The following RGS6 variants were observed in gnomAD, a reference collection of about 807,000 sequenced individuals.
RGS6 encodes regulator of G-protein signaling 6.
Under a neutral mutation model 78.5 loss-of-function variants are expected in RGS6, and 30 were observed. The ratio of observed to expected loss-of-function variants is 0.38; its 90% confidence interval spans 0.29 to 0.52. The LOEUF (loss-of-function observed/expected upper bound fraction) is 0.52. Among genes scored for constraint, RGS6 ranks in the 20% least tolerant of loss-of-function variants. The pLI is 0.85. For synonymous variants in RGS6, 206 were observed against 206.0 expected, an observed-to-expected ratio of 1.00 and a Z score of 0.00; for missense variants, 495 against 609.7, an observed-to-expected ratio of 0.81 and a Z score of 1.98.
At chr14:72,231,738 T>G (rs1423176659) in intron 2 of RGS6, among the ~76,000 whole-genome samples, 5 of 152,022 alleles carry the variant, frequency 3.3e-5, no homozygotes, top group Non-Finnish European at 7.4e-5. Context: ...AGGGAGAGCG[T>G]GGGCTATGAA....
At chr14:72,541,387 G>A (rs2097324668) in intron 17 of RGS6, 3 of 1,445,344 alleles carry the variant, frequency 2.1e-6, no homozygotes, top group Non-Finnish European at 1.9e-6. Context: ...AACTCTAGTG[G>A]GTGGCAATTA....
intron 2 of RGS6, among the ~76,000 whole-genome samples, chr14:72,250,248 A>C (rs1356216886): frequency 2.0e-5 from 3 of 152,132 alleles, no homozygotes; most frequent in Non-Finnish European, 2.9e-5. Flanking sequence ...AATAAAAAAA[A>C]AAAGTAACTG....
intron 2 of RGS6, among the ~76,000 whole-genome samples, chr14:72,340,285 A>G (rs994867350): frequency 3.9e-5 from 6 of 152,158 alleles, no homozygotes; most frequent in African/African-American, 1.4e-4. Flanking sequence ...AACATGAACA[A>G]TGACATAGTG....
At chr14:71,956,721 A>G (rs1396330150) in intron 1 of RGS6, among the ~76,000 whole-genome samples, 2 of 152,124 alleles carry the variant, frequency 1.3e-5, no homozygotes, top group African/African-American at 4.8e-5. Context: ...TCCTTTGGCA[A>G]CACCCTCACA....
rs542819049 is a variant in RGS6, at chr14:72,273,021, C to T, written c.85-79074C>T. On this transcript the variant is annotated intron_variant, in intron 2 of 17. Coordinates refer to ENST00000553525, the MANE Select transcript of RGS6 (RefSeq NM_001204424.2). ...ATCCCAGCTACTTGGGAAGCTGAGG[C>T]GGGAGAATCTCTTGAACCTGGGAAG... is the stretch of plus-strand genomic sequence containing the variant. 4.2e-4 allele frequency among the ~76,000 whole-genome samples: 64 copies of T among 151,690 alleles called. 1 individual carries two copies. The highest frequency in any genetic ancestry group is 6.8e-3 in the Middle Eastern group (2 of 294).
chr14:72,142,508 C>G (rs532299986), intron 2 of RGS6, among the ~76,000 whole-genome samples: 1 of 152,178 alleles, frequency 6.6e-6, no homozygotes, highest in African/African-American at 2.4e-5. Context: ...GCCCTGAGAT[C>G]ATTTGCATCT....
intron 4 of RGS6, among the ~76,000 whole-genome samples, chr14:72,457,084 T>TAAAAAAAAAA (rs747066432): frequency 3.7e-5 from 3 of 82,140 alleles, no homozygotes; most frequent in Non-Finnish European, 6.8e-5. Context: ...GACCTGTCTC[T>TAAAAAAAAAA]AAAAAAAAAA....
intron 2 of RGS6, among the ~76,000 whole-genome samples, chr14:72,194,275 C>T (rs2039465102): frequency 6.6e-6 from 1 of 152,234 alleles, no homozygotes; most frequent in Admixed American, 6.5e-5. Context: ...TGTTGAATAC[C>T]TATCATGAAC....
intron 17 of RGS6, among the ~76,000 whole-genome samples, chr14:72,544,278 C>T (rs1303465746): frequency 2.0e-5 from 3 of 152,226 alleles, no homozygotes; most frequent in Non-Finnish European, 4.4e-5. Context: ...TCCTTTGCTC[C>T]TCTGTCCAGT....
the RGS6 span, among the ~76,000 whole-genome samples, chr14:72,603,253 T>C: frequency 6.6e-6 from 1 of 152,252 alleles, no homozygotes; most frequent in African/African-American, 2.4e-5. Context: ...TCATGATTAA[T>C]AATGCAGCAA....
intron 3 of RGS6, among the ~76,000 whole-genome samples, chr14:72,391,755 C>CA (rs749287587): frequency 1.7e-4 from 26 of 152,294 alleles, no homozygotes; most frequent in Admixed American, 5.2e-4. Flanking sequence ...CCTAGGCCTC[C>CA]ACCCCCTGAC....
intron 2 of RGS6, among the ~76,000 whole-genome samples, chr14:72,104,259 T>A (rs1336331400): frequency 6.6e-6 from 1 of 152,214 alleles, no homozygotes; most frequent in Non-Finnish European, 1.5e-5. Context: ...TTGCTTTTCC[T>A]TTCCTCTCTG....
intron 3 of RGS6, among the ~76,000 whole-genome samples, chr14:72,380,505 G>A (rs928690389): frequency 2.0e-5 from 3 of 150,788 alleles, no homozygotes; most frequent in Non-Finnish European, 4.4e-5. Flanking sequence ...TTTAAAATGG[G>A]CAAATAATCT....
At chr14:72,495,721 GC>G (rs2096636529) in intron 13 of RGS6, among the ~76,000 whole-genome samples, 1 of 152,156 alleles carries the variant, frequency 6.6e-6, no homozygotes. Flanking sequence ...TAATGAACTT[GC>G]CCAAGGTCAT....
At chr14:72,557,615 C>A (rs1162105166) in intron 17 of RGS6, among the ~76,000 whole-genome samples, 1 of 152,178 alleles carries the variant, frequency 6.6e-6, no homozygotes, top group Non-Finnish European at 1.5e-5. Flanking sequence ...TGAACTTGAG[C>A]ACCATCTATT....
intron 2 of RGS6, among the ~76,000 whole-genome samples, chr14:72,002,992 C>T (rs2239267): frequency 0.63 from 95,227 of 152,100 alleles, 30,434 homozygotes; most frequent in South Asian, 0.7. Context: ...CAAGAAACTG[C>T]TTATTCTTTT....
chr14:72,432,529 C>T (rs1377993401), intron 3 of RGS6, among the ~76,000 whole-genome samples: 1 of 152,188 alleles, frequency 6.6e-6, no homozygotes, highest in Non-Finnish European at 1.5e-5. Flanking sequence ...AGAACATTTG[C>T]TTAACCAGAT....
At position 72,081,863 on chromosome 14, in the gene RGS6, CT is replaced by C. The variant is rs200376380; in HGVS notation, c.84+116997del. The stretch of plus-strand genomic sequence containing the variant: ...ACCTACTTCTTCTCGTAATTTTTTA[CT>C]TTTTTTTTCCTAAAAAATGTAGAAA... On this transcript the variant is annotated intron_variant, in intron 2 of 17. Transcript: ENST00000553525. 2.9e-3 allele frequency among the ~76,000 whole-genome samples: 434 copies of C among 151,398 alleles called. 1 individual carries two copies. Among genetic ancestry groups the C allele is most frequent in the Middle Eastern group, 6.8e-3 (2 of 294 alleles).
At chr14:72,539,990 G>A in intron 16 of RGS6, 51 bp from the exon 17 acceptor site, 5 of 1,455,478 alleles carry the variant, frequency 3.4e-6, no homozygotes, top group Non-Finnish European at 3.7e-6. Context: ...ATAAGCTGAA[G>A]ATTTTTTTTT....
Sources: gnomAD v4.1 joint callset for allele counts (sites outside exome capture counted in the v4.1 genomes callset) on GRCh38, gnomAD v4.1.1 for gene constraint, MANE v1.5 for transcripts, NCBI Gene and HGNC (gene_info 2026-07-23, HGNC 2026-07-21) for gene names.